RNF220: variants seen among roughly 807,000 people sequenced by gnomAD.
RNF220 encodes the protein E3 ubiquitin-protein ligase RNF220.
In RNF220, 7 loss-of-function variants were observed where a neutral mutation model predicts 67.1. That is an observed-to-expected ratio of 0.10 (90% CI 0.06 to 0.20). The LOEUF (loss-of-function observed/expected upper bound fraction) is 0.20. RNF220 is among the 10% of genes least tolerant of loss of function. The pLI is 1.00. For missense variants in RNF220, 565 were observed against 740.3 expected, an observed-to-expected ratio of 0.76 and a Z score of 2.75; for synonymous variants, 270 against 283.2, an observed-to-expected ratio of 0.95 and a Z score of 0.47.
At chr1:44,493,716 T>C (rs1657065626) in intron 2 of RNF220, among the ~76,000 whole-genome samples, 1 of 152,190 alleles carries the variant, frequency 6.6e-6, no homozygotes, top group Non-Finnish European at 1.5e-5. Flanking sequence ...GGCATGCACC[T>C]GTAGTTCCAG....
Position 44,650,116 on chromosome 1 carries a change from G to T in RNF220, c.1629+159G>T. 1 of 730,804 alleles carries T rather than the reference G, an allele frequency of 1.4e-6. No homozygotes were observed. Among genetic ancestry groups the T allele is most frequent in the Non-Finnish European group, 2.2e-6 (1 of 453,116 alleles). The allele number at this position is 730,804 out of a possible 1,614,324, so 45.3% of individuals were successfully genotyped here. On this transcript the variant is annotated intron_variant, in intron 14 of 14. Transcript: ENST00000361799. The surrounding 1 kb of genome is among the most constrained non-coding windows in gnomAD (Gnocchi z 4.3). The stretch of plus-strand genomic sequence containing the variant: ...TTACCCGCAGGATATTTACCCCCAG[G>T]CTCGCTGCCTCTCCTCCCCAACTGC...
At chr1:44,470,872 T>C (rs1346673263) in intron 2 of RNF220, among the ~76,000 whole-genome samples, 1 of 152,178 alleles carries the variant, frequency 6.6e-6, no homozygotes, top group Non-Finnish European at 1.5e-5. Flanking sequence ...CTCTCTATCG[T>C]GGCCTGACAA....
chr1:44,430,849 A>G (rs1044714171), intron 2 of RNF220, among the ~76,000 whole-genome samples: 3 of 152,180 alleles, frequency 2.0e-5, no homozygotes, highest in Non-Finnish European at 2.9e-5. Flanking sequence ...CCAGCCACCA[A>G]AAGTTTATTT....
At chr1:44,426,947 A>T (rs1355530437) in intron 2 of RNF220, among the ~76,000 whole-genome samples, 6 of 152,184 alleles carry the variant, frequency 3.9e-5, no homozygotes, top group Non-Finnish European at 8.8e-5. Flanking sequence ...AGATGCATTT[A>T]AATTCAGTCT....
chr1:44,439,876 C>T (rs1366279203), intron 2 of RNF220, among the ~76,000 whole-genome samples: 3 of 152,134 alleles, frequency 2.0e-5, no homozygotes, highest in Non-Finnish European at 4.4e-5. Context: ...ACAGACAGAC[C>T]AGTCGTTGAA....
chr1:44,535,081 C>A (rs1456016441), intron 2 of RNF220, among the ~76,000 whole-genome samples: 1 of 148,330 alleles, frequency 6.7e-6, no homozygotes, highest in African/African-American at 2.5e-5. Flanking sequence ...ACTGGGGGAA[C>A]AACTTCATTA....
intron 5 of RNF220, chr1:44,631,699 A>G: frequency 5.9e-6 from 1 of 169,536 alleles, no homozygotes; most frequent in Non-Finnish European, 1.2e-5. Context: ...GGCAGCCGCG[A>G]GAAAGGCAGG....
At chr1:44,519,913 G>C in intron 2 of RNF220, among the ~76,000 whole-genome samples, 1 of 152,100 alleles carries the variant, frequency 6.6e-6, no homozygotes, top group Non-Finnish European at 1.5e-5. Context: ...GTTTTTAATT[G>C]GGAGGGTGGT....
At chr1:44,568,869 T>C (rs1664228516) in intron 2 of RNF220, among the ~76,000 whole-genome samples, 1 of 152,170 alleles carries the variant, frequency 6.6e-6, no homozygotes, top group Non-Finnish European at 1.5e-5. Context: ...AGGCTATTCC[T>C]CCTTGAATAT....
chr1:44,575,154 T>C (rs1664717477), intron 2 of RNF220, among the ~76,000 whole-genome samples: 1 of 152,080 alleles, frequency 6.6e-6, no homozygotes. Flanking sequence ...ATTGTACCCA[T>C]TAACCAACCT....
intron 2 of RNF220, among the ~76,000 whole-genome samples, chr1:44,555,521 C>T (rs1434434430): frequency 3.3e-5 from 5 of 152,126 alleles, no homozygotes; most frequent in African/African-American, 1.2e-4. Context: ...GTCACCCAGG[C>T]TGGAGTGCAG....
chr1:44,632,080 A>T, intron 5 of RNF220: 1 of 1,231,618 alleles, frequency 8.1e-7, no homozygotes, highest in Non-Finnish European at 1.0e-6. Context: ...CGTGGGGCCC[A>T]GAGCGCCGGA....
chr1:44,460,281 T>C (rs1410170140), intron 2 of RNF220, among the ~76,000 whole-genome samples: 1 of 152,134 alleles, frequency 6.6e-6, no homozygotes, highest in Non-Finnish European at 1.5e-5. Context: ...CTCAGGTGAA[T>C]GAATGCAGGT....
Position 44,649,995 on chromosome 1 carries a change from C to T in RNF220, c.1629+38C>T, listed in dbSNP as rs756996117. On this transcript the variant is annotated intron_variant, in intron 14 of 14. Transcript: ENST00000361799. The surrounding 1 kb of genome is among the most constrained non-coding windows in gnomAD (Gnocchi z 5.9). ...GGGGGTCGGGGAATGGGAGGCCGCT[C>T]CGGGCACTGCCCAGATGTCTGTGCT... 8 of 1,596,822 alleles carry T rather than the reference C, an allele frequency of 5.0e-6. No homozygotes were observed. Among genetic ancestry groups the T allele is most frequent in the Non-Finnish European group, 5.1e-6 (6 of 1,169,148 alleles).
intron 2 of RNF220, among the ~76,000 whole-genome samples, chr1:44,566,724 G>A (rs749348360): frequency 3.0e-4 from 45 of 151,966 alleles, no homozygotes; most frequent in South Asian, 6.2e-4. Context: ...TTTGGAGGGC[G>A]GCTGCTAATG....
intron 2 of RNF220, among the ~76,000 whole-genome samples, chr1:44,597,135 C>G (rs146229297): frequency 6.6e-6 from 1 of 152,110 alleles, no homozygotes; most frequent in Non-Finnish European, 1.5e-5. Flanking sequence ...TGTGCTCTTT[C>G]GAGACATTTT....
At chr1:44,631,831 C>A in intron 5 of RNF220, 1 of 868,200 alleles carries the variant, frequency 1.2e-6, no homozygotes, top group Non-Finnish European at 1.4e-6. Flanking sequence ...GCTTCACGGG[C>A]GGTGGGAGGG....
chr1:44,509,230 G>A (rs962527905), intron 2 of RNF220, among the ~76,000 whole-genome samples: 2 of 152,138 alleles, frequency 1.3e-5, no homozygotes, highest in Non-Finnish European at 2.9e-5. Flanking sequence ...GTGTTTATCC[G>A]AGCAACAAGG....
At chr1:44,535,843 C>T (rs1183533920) in intron 2 of RNF220, among the ~76,000 whole-genome samples, 1 of 152,118 alleles carries the variant, frequency 6.6e-6, no homozygotes, top group African/African-American at 2.4e-5. Context: ...AAACCTGTGG[C>T]CCATTCCCAA....
Sources: allele counts gnomAD v4.1 joint callset (sites outside exome capture counted in the v4.1 genomes callset), GRCh38; gene constraint gnomAD v4.1.1; non-coding constraint Gnocchi (gnomAD v3.1); transcripts MANE v1.5; gene names NCBI Gene and HGNC (gene_info 2026-07-23, HGNC 2026-07-21).